The following STAT4 variants were observed in gnomAD, a reference collection of about 807,000 sequenced individuals.
STAT4 encodes signal transducer and activator of transcription 4.
STAT4 carries 42 observed loss-of-function variants against 110.5 expected under a neutral mutation model. The ratio of observed to expected loss-of-function variants is 0.38; its 90% CI spans 0.30 to 0.49. The LOEUF is 0.49. Among genes scored for constraint, STAT4 ranks in the 20% least tolerant of loss-of-function variants. STAT4 has a pLI of 0.95. For missense variants in STAT4, 632 were observed against 887.9 expected (o/e 0.71, Z 3.66); for synonymous variants, 284 against 302.2 (o/e 0.94, Z 0.63).
chr2:191,121,619 T>C (rs1440347553), intron 3 of STAT4, among the ~76,000 whole-genome samples: 1 of 151,984 alleles, frequency 6.6e-6, no homozygotes, highest in Admixed American at 6.5e-5. Context: ...ATGTCCTTTG[T>C]AGGGACATGG....
chr2:191,136,590 A>G (rs565285339), intron 3 of STAT4, among the ~76,000 whole-genome samples: 1 of 152,280 alleles, frequency 6.6e-6, no homozygotes, highest in Non-Finnish European at 1.5e-5. Flanking sequence ...CATCTCTGCT[A>G]AAAATACAAA....
intron 3 of STAT4, among the ~76,000 whole-genome samples, chr2:191,102,697 AT>A (rs1698176816): frequency 6.6e-6 from 1 of 152,194 alleles, no homozygotes; most frequent in Non-Finnish European, 1.5e-5. Context: ...AGCTTTTGAA[AT>A]TTCCATGTCA....
At chr2:191,034,048 T>A in intron 18 of STAT4, 43 bp from the exon 19 acceptor site, 1 of 1,294,874 alleles carries the variant, frequency 7.7e-7, no homozygotes, top group Non-Finnish European at 1.1e-6. Flanking sequence ...ATTATTTAAG[T>A]AATAATGTTG....
At chr2:191,124,145 C>G (rs1698813220) in intron 3 of STAT4, among the ~76,000 whole-genome samples, 2 of 152,176 alleles carry the variant, frequency 1.3e-5, no homozygotes, top group African/African-American at 4.8e-5. Flanking sequence ...AATGTTAACT[C>G]AACTTCTCAT....
At position 191,037,809 on chromosome 2, in the gene STAT4, A is replaced by C. The variant is rs527285438; in HGVS notation, c.1434+1390T>G. Among the ~76,000 whole-genome samples, 5 of 152,282 alleles carry C rather than the reference A, an allele frequency of 3.3e-5. No homozygotes were observed. The highest frequency in any genetic ancestry group is 1.2e-4 in the African/African-American group (5 of 41,548). On this transcript the variant is annotated intron_variant, in intron 16 of 23. Transcript: ENST00000392320. The surrounding 1 kb of genome is among the most constrained non-coding windows in gnomAD (Gnocchi z 4.8). The stretch of plus-strand genomic sequence containing the variant: ...GGAGATGGTTTTTTGTGAACCTGAG[A>C]ATGGTGCCTGGAAAAGTGACCAGAA...
At chr2:191,096,798 G>A (rs1049000584) in intron 3 of STAT4, among the ~76,000 whole-genome samples, 42 of 152,084 alleles carry the variant, frequency 2.8e-4, no homozygotes, top group African/African-American at 7.0e-4. Context: ...CGAAATTAAG[G>A]GGATTCAATT....
chr2:191,076,074 A>C (rs977066142), intron 4 of STAT4, 153 bp downstream of exon 4: 1 of 623,418 alleles, frequency 1.6e-6, no homozygotes, highest in Non-Finnish European at 2.8e-6. Flanking sequence ...GACTGGTCTC[A>C]AACTCTTGGC....
At chr2:191,115,748 C>T (rs893240727) in intron 3 of STAT4, among the ~76,000 whole-genome samples, 1 of 152,156 alleles carries the variant, frequency 6.6e-6, no homozygotes, top group African/African-American at 2.4e-5. Context: ...TGGTACCTGA[C>T]CTCAGTCCTC....
In STAT4 at chr2:191,077,923, C is replaced by T. The variant is rs546769685; in HGVS notation, c.274-1598G>A. Among the ~76,000 whole-genome samples, 182 of 152,072 alleles carry T rather than the reference C, an allele frequency of 1.2e-3. No homozygotes were observed. Among genetic ancestry groups the T allele is most frequent in the Admixed American group, 2.8e-3 (43 of 15,276 alleles). On this transcript the variant is annotated intron_variant, in intron 3 of 23. Coordinates refer to ENST00000392320, the MANE Select transcript of STAT4 (RefSeq NM_003151.4). The surrounding 1 kb of genome is among the most constrained non-coding windows in gnomAD (Gnocchi z 4.1). ...AATAAAAATGATCCTATTTATGAAG[C>T]GGGGATACCATTTTTTCCATTTCCG... is the stretch of plus-strand genomic sequence containing the variant.
rs1316431508 is a variant in STAT4, at chr2:191,030,828, A to G, written c.2220+144T>C. The G allele has an allele frequency of 1.6e-5, 11 of 697,748 alleles. No individual in the cohort carries two copies. Among genetic ancestry groups the G allele is most frequent in the Admixed American group, 2.6e-5 (1 of 38,880 alleles). 43.2% of individuals were successfully genotyped at this position (697,748 alleles called of 1,614,324 possible). A position where few individuals can be genotyped will look rare whatever the true frequency, so the allele number is the denominator to read the frequency against. On this transcript the variant is annotated intron_variant, in intron 23 of 23. Coordinates refer to ENST00000392320, the MANE Select transcript of STAT4 (RefSeq NM_003151.4). This position sits in a 1 kb window ranked among gnomAD's most constrained non-coding sequence, Gnocchi z 4.4. ...CAGCAACACGCAGGACCATCCAGACACCTTTTGTGTTATGCTCATGAATTT... is the reference window on the plus strand; with the variant it reads ...CAGCAACACGCAGGACCATCCAGACGCCTTTTGTGTTATGCTCATGAATTT...
chr2:191,056,709 T>G (rs575449609), intron 13 of STAT4, among the ~76,000 whole-genome samples: 1 of 152,172 alleles, frequency 6.6e-6, no homozygotes, highest in African/African-American at 2.4e-5. Context: ...TTCTTTGTGG[T>G]AGGATCATTA....
At chr2:191,103,444 C>T (rs1698197619) in intron 3 of STAT4, among the ~76,000 whole-genome samples, 1 of 151,998 alleles carries the variant, frequency 6.6e-6, no homozygotes, top group Non-Finnish European at 1.5e-5. Flanking sequence ...ATTTTTATAT[C>T]CAATTATAAA....
rs951268126 is a variant in STAT4, at chr2:191,099,382, C to T, written c.274-23057G>A. On this transcript the variant is annotated intron_variant, in intron 3 of 23. Coordinates refer to ENST00000392320, the MANE Select transcript of STAT4 (RefSeq NM_003151.4). This position sits in a 1 kb window ranked among gnomAD's most constrained non-coding sequence, Gnocchi z 4.1. ...AATCCATCCAATAAAAATAAAAGCA[C>T]TGGCCCATAATAATATATGTACAAG... Among the ~76,000 whole-genome samples the T allele has an allele frequency of 6.6e-6, 1 of 152,010 alleles. No homozygotes were observed. The highest frequency in any genetic ancestry group is 1.5e-5 in the Non-Finnish European group (1 of 67,968).
chr2:191,051,566 C>T lies in STAT4; in HGVS notation c.1251+2924G>A, dbSNP rs144245767. ...CACGACACAAGTGCAAAAGGAGACA[C>T]AGTAGACAAGAGAGGTCAACAACAT... On this transcript the variant is annotated intron_variant, in intron 14 of 23. Coordinates refer to ENST00000392320, the MANE Select transcript of STAT4 (RefSeq NM_003151.4). This position sits in a 1 kb window ranked among gnomAD's most constrained non-coding sequence, Gnocchi z 5.6. Among the ~76,000 whole-genome samples the T allele has an allele frequency of 2.6e-5, 4 of 152,332 alleles. No homozygotes were observed. Among genetic ancestry groups the T allele is most frequent in the Admixed American group, 6.5e-5 (1 of 15,306 alleles).
At chr2:191,127,992 A>C (rs1237838733) in intron 3 of STAT4, among the ~76,000 whole-genome samples, 1 of 152,346 alleles carries the variant, frequency 6.6e-6, no homozygotes, top group Admixed American at 6.5e-5. Context: ...ACTTAGTGCG[A>C]TATGCACAAA....
rs1444129842 is a variant in STAT4, at chr2:191,050,229, C to T, written c.1251+4261G>A. On this transcript the variant is annotated intron_variant, in intron 14 of 23. Coordinates refer to ENST00000392320, the MANE Select transcript of STAT4 (RefSeq NM_003151.4). The surrounding 1 kb of genome is among the most constrained non-coding windows in gnomAD (Gnocchi z 4.3). ...GTTTTCACATTTCAATAATCACTCT[C>T]TAGCTGGCTCCCTGCTAGATAAGTA... 2.0e-5 allele frequency among the ~76,000 whole-genome samples: 3 copies of T among 152,224 alleles called. No individual in the cohort carries two copies. The highest frequency in any genetic ancestry group is 7.2e-5 in the African/African-American group (3 of 41,454).
chr2:191,068,142 T>A (rs1386822503), intron 6 of STAT4: 2 of 152,190 alleles, frequency 1.3e-5, no homozygotes, highest in African/African-American at 4.8e-5. Context: ...ACAAACAAAA[T>A]AAATATTTGT....
chr2:191,151,495 G>A (rs1413214775), upstream of STAT4: 2 of 985,402 alleles, frequency 2.0e-6, no homozygotes, highest in African/African-American at 1.7e-5. The surrounding 1 kb of genome is among the most constrained non-coding windows in gnomAD (Gnocchi z 4.7). Flanking sequence ...CTCCGACGAG[G>A]GTGACCTGAC....
chr2:191,120,410 A>G (rs376655165), intron 3 of STAT4, among the ~76,000 whole-genome samples: 87 of 152,292 alleles, frequency 5.7e-4, no homozygotes, highest in African/African-American at 2.1e-3. Flanking sequence ...TGCCTCTACA[A>G]AAATAAAAAT....
Sources: allele counts gnomAD v4.1 joint callset (sites outside exome capture counted in the v4.1 genomes callset), GRCh38; gene constraint gnomAD v4.1.1; non-coding constraint Gnocchi (gnomAD v3.1); transcripts MANE v1.5; gene names NCBI Gene and HGNC (gene_info 2026-07-23, HGNC 2026-07-21).